ERC2: variants seen among roughly 807,000 people sequenced by gnomAD.
The protein encoded by ERC2 is ELKS/RAB6-interacting/CAST family member 2, also known as ERC protein 2.
ERC2 carries 42 observed loss-of-function variants against 114.8 expected under a neutral mutation model. That is an observed-to-expected ratio of 0.37 (90% confidence interval 0.29 to 0.47). The LOEUF (loss-of-function observed/expected upper bound fraction) is 0.47. Among genes scored for constraint, ERC2 ranks in the 20% least tolerant of loss-of-function variants. ERC2 has a pLI of 0.99. For synonymous variants in ERC2, 454 were observed against 425.5 expected (o/e 1.07, Z -0.82); for missense variants, 939 against 1,150.7 (o/e 0.82, Z 2.66).
chr3:56,379,836 A>T (rs190029347), intron 2 of ERC2, among the ~76,000 whole-genome samples: 1 of 152,348 alleles, frequency 6.6e-6, no homozygotes. Context: ...AATAGAATTA[A>T]GAACTAACTA....
At chr3:55,806,475 C>T (rs981962457) in intron 14 of ERC2, among the ~76,000 whole-genome samples, 2 of 152,036 alleles carry the variant, frequency 1.3e-5, no homozygotes, top group Admixed American at 6.6e-5. Context: ...CAAGCTGAAG[C>T]AGAGGAATCA....
rs575446723 is a variant in ERC2 at position 55,769,086 on chromosome 3, C to A, written c.2565-34168G>T. Among the ~76,000 whole-genome samples the A allele has an allele frequency of 2.0e-5, 3 of 152,210 alleles. No individual in the cohort carries two copies. In the South Asian group the frequency reaches 6.2e-4, roughly 32 times the overall value. The stretch of plus-strand genomic sequence containing the variant: ...GGATGAGTGTTAGGATCACAGTGAG[C>A]CTGTCTGCCTGGTTCACTGCTATCT... On this transcript the variant is annotated intron_variant, in intron 14 of 17. Transcript: ENST00000288221.
intron 14 of ERC2, among the ~76,000 whole-genome samples, chr3:55,867,332 G>C (rs1176457150): frequency 6.6e-6 from 1 of 152,098 alleles, no homozygotes; most frequent in African/African-American, 2.4e-5. Flanking sequence ...CCTAGCACAG[G>C]GCCTGGCATG....
At chr3:56,108,052 A>C (rs968517856) in intron 6 of ERC2, among the ~76,000 whole-genome samples, 1 of 152,200 alleles carries the variant, frequency 6.6e-6, no homozygotes, top group Non-Finnish European at 1.5e-5. Flanking sequence ...TAGAGACAAC[A>C]CCATAACAAA....
chr3:56,129,234 C>T (rs899453587), intron 6 of ERC2, among the ~76,000 whole-genome samples: 1 of 152,158 alleles, frequency 6.6e-6, no homozygotes, highest in Non-Finnish European at 1.5e-5. Flanking sequence ...AGAAGCCCTG[C>T]TATTTAACTT....
At chr3:55,828,352 T>A (rs1398773589) in intron 14 of ERC2, among the ~76,000 whole-genome samples, 1 of 152,196 alleles carries the variant, frequency 6.6e-6, no homozygotes, top group Non-Finnish European at 1.5e-5. Context: ...TTTCTGGCCA[T>A]AGACCTGGGG....
At chr3:55,900,422 C>T (rs2064072744) in intron 13 of ERC2, among the ~76,000 whole-genome samples, 1 of 152,202 alleles carries the variant, frequency 6.6e-6, no homozygotes, top group Admixed American at 6.5e-5. Flanking sequence ...TGTTCATTCC[C>T]ATTCAACAAA....
At chr3:56,158,211 G>A (rs1410531490) in intron 4 of ERC2, among the ~76,000 whole-genome samples, 1 of 152,192 alleles carries the variant, frequency 6.6e-6, no homozygotes, top group East Asian at 1.9e-4. Flanking sequence ...TGTCAGATAA[G>A]AAGAGTGAGA....
intron 14 of ERC2, among the ~76,000 whole-genome samples, chr3:55,797,841 G>A (rs2070641601): frequency 6.6e-6 from 1 of 152,092 alleles, no homozygotes; most frequent in Admixed American, 6.6e-5. Context: ...TGAAAAATGA[G>A]CACGCAACAA....
chr3:55,673,126 A>C (rs1402940349), intron 17 of ERC2, among the ~76,000 whole-genome samples: 1 of 152,078 alleles, frequency 6.6e-6, no homozygotes, highest in Non-Finnish European at 1.5e-5. Context: ...CTCATTCCAC[A>C]TTCCGTGAGG....
At chr3:55,609,185 G>A (rs34542764) in intron 17 of ERC2, among the ~76,000 whole-genome samples, 7,657 of 152,256 alleles carry the variant, frequency 0.05, 265 homozygotes, top group Non-Finnish European at 0.077. Context: ...TGTAGCGAGT[G>A]GTGTGTGGGT....
intron 3 of ERC2, among the ~76,000 whole-genome samples, chr3:56,273,443 C>T (rs551760648): frequency 1.3e-4 from 19 of 151,820 alleles, no homozygotes; most frequent in African/African-American, 4.6e-4. Context: ...CAGGGTTTTC[C>T]CATGTTGCCC....
At chr3:56,462,502 A>G (rs1233778095) in intron 1 of ERC2, among the ~76,000 whole-genome samples, 3 of 152,172 alleles carry the variant, frequency 2.0e-5, no homozygotes, top group Admixed American at 1.3e-4. Context: ...CCATGAAATC[A>G]AACTCAAATA....
chr3:55,942,682 G>A (rs2066889845), intron 13 of ERC2, among the ~76,000 whole-genome samples: 1 of 152,112 alleles, frequency 6.6e-6, no homozygotes, highest in Admixed American at 6.5e-5. Flanking sequence ...AAGATGTAGA[G>A]GGAAAGTGTA....
chr3:55,584,808 C>G (rs1054682373), intron 17 of ERC2, among the ~76,000 whole-genome samples: 6 of 152,304 alleles, frequency 3.9e-5, no homozygotes, highest in Admixed American at 6.5e-5. Context: ...GGAGCACCAC[C>G]AGCAAATTGC....
intron 13 of ERC2, among the ~76,000 whole-genome samples, chr3:55,897,277 A>C (rs1173604077): frequency 6.6e-6 from 1 of 152,194 alleles, no homozygotes; most frequent in Non-Finnish European, 1.5e-5. Flanking sequence ...CATGCTTTTC[A>C]AGAGGCTTGC....
At chr3:55,714,690 T>TAC (rs1559539171) in intron 15 of ERC2, among the ~76,000 whole-genome samples, 6 of 129,980 alleles carry the variant, frequency 4.6e-5, no homozygotes, top group South Asian at 2.4e-4. Flanking sequence ...TATATATATA[T>TAC]ATATATATAT....
intron 17 of ERC2, among the ~76,000 whole-genome samples, chr3:55,589,165 G>A (rs2057742898): frequency 7.0e-6 from 1 of 143,318 alleles, no homozygotes; most frequent in Non-Finnish European, 1.5e-5. Flanking sequence ...GATTGCTTGA[G>A]CCAGGAGTTT....
chr3:56,060,018 T>C (rs746688383), intron 7 of ERC2, among the ~76,000 whole-genome samples: 1 of 152,258 alleles, frequency 6.6e-6, no homozygotes, highest in East Asian at 1.9e-4. Flanking sequence ...AACATCTGCC[T>C]GGTTCCTCAG....
Sources: allele counts gnomAD v4.1 joint callset (sites outside exome capture counted in the v4.1 genomes callset), GRCh38; gene constraint gnomAD v4.1.1; transcripts MANE v1.5; gene names NCBI Gene and HGNC (gene_info 2026-07-23, HGNC 2026-07-21).